SLC5A5: variants seen among roughly 807,000 people sequenced by gnomAD.
SLC5A5 encodes solute carrier family 5 member 5.
Under a neutral mutation model 68.6 loss-of-function variants are expected in SLC5A5, and 56 were observed. The ratio of observed to expected loss-of-function variants is 0.82; its 90% CI spans 0.66 to 1.02. The LOEUF is 1.02. Ranked by LOEUF, SLC5A5 falls within the 50% of genes least tolerant of loss-of-function variation. The pLI is 0.00. For missense variants in SLC5A5, 807 were observed against 859.8 expected (o/e 0.94, Z 0.77); for synonymous variants, 398 against 373.0 (o/e 1.07, Z -0.77).
intron 4 of SLC5A5, among the ~76,000 whole-genome samples, chr19:17,874,951 T>C (rs1187248525): frequency 1.3e-5 from 2 of 152,200 alleles, no homozygotes; most frequent in African/African-American, 4.8e-5. Context: ...CCACCTCTTC[T>C]GGCTTCCAGT....
At chr19:17,876,129 C>T in intron 5 of SLC5A5, 23 bp downstream of exon 5, 1 of 1,613,148 alleles carries the variant, frequency 6.2e-7, no homozygotes, top group Non-Finnish European at 8.5e-7. Context: ...GCAGAGGATA[C>T]TCCAGCAGGA....
intron 12 of SLC5A5, among the ~76,000 whole-genome samples, chr19:17,886,167 G>A (rs1009427506): frequency 6.7e-6 from 1 of 148,236 alleles, no homozygotes; most frequent in Non-Finnish European, 1.5e-5. Flanking sequence ...CTGCACTCCA[G>A]TCTGGGTAAC....
At position 17,877,711 on chromosome 19, in the gene SLC5A5, G is replaced by T; in HGVS notation, c.699-12G>T. 5 of 1,613,958 alleles carry T rather than the reference G, an allele frequency of 3.1e-6. No individual in the cohort carries two copies. Among genetic ancestry groups the T allele is most frequent in the Non-Finnish European group, 4.2e-6 (5 of 1,179,992 alleles). On this transcript the variant is annotated splice_polypyrimidine_tract_variant and intron_variant, in intron 5 of 14. Transcript: ENST00000222248. ...CATCTCCACGTGGCTAACTTGCCCT[G>T]TCCCCACCCAGCTTTAACCCTGACC...
Position 17,893,864 on chromosome 19 carries a change from A to C in SLC5A5, c.1919A>C (p.Glu640Ala). 6.4e-7 allele frequency: 1 copy of C among 1,567,880 alleles called. No homozygotes were observed. The highest frequency in any genetic ancestry group is 2.4e-5 in the East Asian group (1 of 42,104). ...CATGATGGTGGTCGAGACCAGCAGG[A>C]GACAAACCTCTGAGGACAGGGCCAG... Reference protein sequence around the residue: ...VGHDGGRDQQETNL With the variant: ...VGHDGGRDQQATNL The change falls in exon 15 of 15, where the codon GAG (glutamate) becomes GCG (alanine). Residue 640 changes from glutamate (E) to alanine (A), a missense_variant. Physicochemically the swap from Glu to Ala is moderately radical, Grantham distance 107. Transcript: ENST00000222248.
At chr19:17,889,658 C>A (rs1372865506) in intron 13 of SLC5A5, among the ~76,000 whole-genome samples, 3 of 152,054 alleles carry the variant, frequency 2.0e-5, no homozygotes, top group East Asian at 1.9e-4. Context: ...CCCTTTAAAG[C>A]TATGTTGCTT....
At position 17,872,737 on chromosome 19, in the gene SLC5A5, G is replaced by A; in HGVS notation, c.357+61G>A. 7.1e-6 allele frequency: 8 copies of A among 1,120,902 alleles called. No individual in the cohort carries two copies. The South Asian group carries it at 9.9e-5, about 14-fold the overall frequency. 69.4% of individuals were successfully genotyped at this position (1,120,902 alleles called of 1,614,324 possible). A position where few individuals can be genotyped will look rare whatever the true frequency, so the allele number is the denominator to read the frequency against. Reference sequence around the variant, plus strand: ...ACTGGCAGTGCTGGGACCCCGTGTGGGGGAGGCGCTGGGGCTTTGGGCCGC... The same window carrying A: ...ACTGGCAGTGCTGGGACCCCGTGTGAGGGAGGCGCTGGGGCTTTGGGCCGC... On this transcript the variant is annotated intron_variant, in intron 1 of 14. Coordinates refer to ENST00000222248, the MANE Select transcript of SLC5A5 (RefSeq NM_000453.3).
intron 1 of SLC5A5, 127 bp from the exon 2 acceptor site, chr19:17,874,011 T>G: frequency 1.4e-6 from 1 of 724,796 alleles, no homozygotes. Context: ...GGCCCCCACG[T>G]GCAAGAATCT....
Position 17,893,498 on chromosome 19 carries a change from C to T in SLC5A5, c.1768-215C>T, listed in dbSNP as rs112579202. On this transcript the variant is annotated intron_variant, in intron 14 of 14. Coordinates refer to ENST00000222248, the MANE Select transcript of SLC5A5 (RefSeq NM_000453.3). ...TCTGAGAAAGCGTTGATGGCCTGGG[C>T]TGTAGGTGACATGTGAGTGGGGAAG... Among the ~76,000 whole-genome samples, 1,338 of 152,188 alleles carry T rather than the reference C, an allele frequency of 8.8e-3. 18 individuals are homozygous for T. The highest frequency in any genetic ancestry group is 0.031 in the African/African-American group (1,271 of 41,520).
rs371763681 is a variant in SLC5A5 at position 17,876,094 on chromosome 19, T to G, written c.686T>G (p.Ile229Ser). Residue 229 changes from isoleucine (I) to serine (S), a missense_variant, in exon 5 of 15, where the codon ATC becomes AGC. Ile to Ser is a moderately radical substitution (Grantham distance 142). Transcript: ENST00000222248. Reference sequence around the variant, plus strand: ...ACGCTGGCCCAGAACCACTCCCGGATCAACCTCATGGAGTGAGTGAAAATG... The same window carrying G: ...ACGCTGGCCCAGAACCACTCCCGGAGCAACCTCATGGAGTGAGTGAAAATG... ...VLTLAQNHSRINLMDFNPDPR... is the reference protein window; with the variant it reads ...VLTLAQNHSRSNLMDFNPDPR... The G allele has an allele frequency of 3.3e-5, 53 of 1,613,958 alleles. No individual in the cohort carries two copies. Among genetic ancestry groups the G allele is most frequent in the Non-Finnish European group, 3.9e-5 (46 of 1,179,996 alleles).
intron 4 of SLC5A5, among the ~76,000 whole-genome samples, chr19:17,875,452 T>C (rs906805130): frequency 6.6e-6 from 1 of 151,670 alleles, no homozygotes; most frequent in Admixed American, 6.6e-5. Flanking sequence ...ATATTCCAAA[T>C]CTTTTTCACT....
chr19:17,874,883 AG>A lies in SLC5A5; in HGVS notation c.543+153del, dbSNP rs112219426. 17,250 of 777,426 alleles carry A rather than the reference AG, an allele frequency of 0.022. 2,097 individuals are homozygous for A. In the African/African-American group the frequency reaches 0.26, roughly 12 times the overall value. 48.2% of individuals were successfully genotyped at this position (777,426 alleles called of 1,614,324 possible). A position where few individuals can be genotyped will look rare whatever the true frequency, so the allele number is the denominator to read the frequency against. ...CTTTATAGTGAAAAATGATCTGAAA[AG>A]CTTATTGCTGAGAATCTAGAGGTAT... On this transcript the variant is annotated intron_variant, in intron 4 of 14. Coordinates refer to ENST00000222248, the MANE Select transcript of SLC5A5 (RefSeq NM_000453.3).
rs772763011 is a variant in SLC5A5, at chr19:17,894,143, CTTTTTTTT to C, written c.*281_*288del. 7 of 263,112 alleles carry C rather than the reference CTTTTTTTT, an allele frequency of 2.7e-5. No homozygotes were observed. The highest frequency in any genetic ancestry group is 9.8e-5 in the East Asian group (1 of 10,204). 16.3% of individuals were successfully genotyped at this position (263,112 alleles called of 1,614,324 possible). Reference sequence around the variant, plus strand: ...AATAAGGCTGGGTTTTTCTCTCTCTCTTTTTTTTTTTTTTTTTTTTTTGAGACAGGGTC... The same window carrying C: ...AATAAGGCTGGGTTTTTCTCTCTCTCTTTTTTTTTTTTTTGAGACAGGGTC... On this transcript the variant is annotated 3_prime_UTR_variant, in exon 15 of 15. Coordinates refer to ENST00000222248, the MANE Select transcript of SLC5A5 (RefSeq NM_000453.3).
intron 14 of SLC5A5, among the ~76,000 whole-genome samples, chr19:17,893,275 T>G (rs2030270068): frequency 6.6e-6 from 1 of 151,788 alleles, no homozygotes; most frequent in African/African-American, 2.4e-5. Flanking sequence ...GTTAATTTTT[T>G]TATTTTTGGT....
intron 14 of SLC5A5, among the ~76,000 whole-genome samples, 186 bp from the exon 15 acceptor site, chr19:17,893,527 A>T (rs2030280630): frequency 6.6e-6 from 1 of 152,044 alleles, no homozygotes; most frequent in South Asian, 2.1e-4. Context: ...GGGGAAGAGA[A>T]GCGCATGGAA....
intron 1 of SLC5A5, 46 bp from the exon 2 acceptor site, chr19:17,874,092 C>T (rs188323602): frequency 1.4e-6 from 2 of 1,421,710 alleles, no homozygotes; most frequent in South Asian, 1.1e-5. Context: ...GAGGCCTCGG[C>T]TCCTGGGTAA....
chr19:17,881,323 G>A (rs2094320272), intron 8 of SLC5A5, among the ~76,000 whole-genome samples: 1 of 151,728 alleles, frequency 6.6e-6, no homozygotes, highest in African/African-American at 2.4e-5. Flanking sequence ...CTGGAGTGCA[G>A]TGGTGCCATC....
intron 4 of SLC5A5, among the ~76,000 whole-genome samples, chr19:17,875,428 G>T: frequency 6.6e-6 from 1 of 151,468 alleles, no homozygotes. Context: ...ACTGACACTC[G>T]TATATGTCAA....
At chr19:17,876,978 C>T (rs1329941691) in intron 5 of SLC5A5, among the ~76,000 whole-genome samples, 4 of 151,730 alleles carry the variant, frequency 2.6e-5, no homozygotes, top group African/African-American at 9.7e-5. Context: ...CTGCGGTGAG[C>T]CGAGATCACA....
chr19:17,886,182 T>TGAG (rs2029911855), intron 12 of SLC5A5, among the ~76,000 whole-genome samples: 1 of 149,398 alleles, frequency 6.7e-6, no homozygotes, highest in Admixed American at 6.8e-5. Context: ...GGTAACAGAG[T>TGAG]GAGACTCCAC....
Sources: allele counts gnomAD v4.1 joint callset (sites outside exome capture counted in the v4.1 genomes callset), GRCh38; gene constraint gnomAD v4.1.1; transcripts MANE v1.5; gene names NCBI Gene and HGNC (gene_info 2026-07-23, HGNC 2026-07-21).